Variants in KMT2A observed in about 807,000 individuals in gnomAD.
KMT2A encodes lysine methyltransferase 2A, also known as histone-lysine N-methyltransferase 2A.
A neutral mutation model predicts 345.3 loss-of-function variants in KMT2A; 16 were observed. The ratio of observed to expected loss-of-function variants is 0.05; its 90% CI spans 0.03 to 0.07. The LOEUF is 0.07. Among genes scored for constraint, KMT2A ranks in the 10% least tolerant of loss-of-function variants. The pLI is 1.00. For synonymous variants in KMT2A, 1,599 were observed against 1,778.6 expected (o/e 0.90, Z 2.54); for missense variants, 3,272 against 4,841.6 (o/e 0.68, Z 9.62).
intron 10 of KMT2A, among the ~76,000 whole-genome samples, chr11:118,487,856 T>C (rs1950256291): frequency 6.6e-6 from 1 of 152,244 alleles, no homozygotes; most frequent in Non-Finnish European, 1.5e-5. Flanking sequence ...TTGAAAATCC[T>C]ATATCAATAT....
chr11:118,519,554 G>C, intron 31 of KMT2A, 64 bp from the exon 32 acceptor site: 1 of 1,460,836 alleles, frequency 6.8e-7, no homozygotes, highest in South Asian at 1.2e-5. Context: ...AGGCATTTCT[G>C]TAGGACCATG....
At chr11:118,438,641 C>A (rs922389810) in intron 1 of KMT2A, among the ~76,000 whole-genome samples, 1 of 152,136 alleles carries the variant, frequency 6.6e-6, no homozygotes, top group African/African-American at 2.4e-5. Context: ...TATTGTGCCC[C>A]GCACCCCTTT....
chr11:118,482,082 A>G lies in KMT2A; in HGVS notation c.4002A>G (p.Pro1334=). 3 of 1,606,676 alleles carry G rather than the reference A, an allele frequency of 1.9e-6. No homozygotes were observed. The Admixed American group carries it at 5.2e-5, about 28-fold the overall frequency. The stretch of plus-strand genomic sequence containing the variant: ...AGCCCAAGAAAAAGCAGCCTCCACC[A>G]CCAGAATCAGGTGAGTGAGGAGGGC... ...PSEPKKKQPP[P]PESGPEQSKQ... The change falls in exon 7 of 36, where the codon CCA becomes CCG. Residue 1334 remains proline (P), a synonymous_variant. Coordinates refer to ENST00000534358, the MANE Select transcript of KMT2A (RefSeq NM_001197104.2).
chr11:118,472,637 C>T lies in KMT2A; in HGVS notation c.1478C>T (p.Ser493Phe). 1 of 1,612,734 alleles carries T rather than the reference C, an allele frequency of 6.2e-7. No individual in the cohort carries two copies. Among genetic ancestry groups the T allele is most frequent in the Non-Finnish European group, 8.5e-7 (1 of 1,179,830 alleles). The change falls in exon 3 of 36, where the codon TCT (serine) becomes TTT (phenylalanine). Residue 493 changes from serine to phenylalanine, a missense_variant. Coordinates refer to ENST00000534358, the MANE Select transcript of KMT2A (RefSeq NM_001197104.2). ...GATACCTCCACAGACTCTCAGGCTT[C>T]TGAGGAGATTCAGGTACTTCCTGAG... ...SVDTSTDSQA[S>F]EEIQVLPEER...
chr11:118,520,559 G>T lies in KMT2A; in HGVS notation c.11430-243G>T. 1 of 501,030 alleles carries T rather than the reference G, an allele frequency of 2.0e-6. No individual in the cohort carries two copies. The highest frequency in any genetic ancestry group is 3.6e-6 in the Non-Finnish European group (1 of 277,112). The allele number at this position is 501,030 out of a possible 1,614,324, so 31.0% of individuals were successfully genotyped here. A position where few individuals can be genotyped will look rare whatever the true frequency, so the allele number is the denominator to read the frequency against. ...CCACCTACTCAGCAGGCTGAGGCAA[G>T]AGAATCGCTTGAACCCAGGAGGCGG... On this transcript the variant is annotated intron_variant, in intron 33 of 35. Coordinates refer to ENST00000534358, the MANE Select transcript of KMT2A (RefSeq NM_001197104.2). The surrounding 1 kb of genome is among the most constrained non-coding windows in gnomAD (Gnocchi z 4.3).
At position 118,511,930 on chromosome 11, in the gene KMT2A, G is replaced by T. The variant is rs376463533; in HGVS notation, c.11072-21G>T. 10 of 1,610,706 alleles carry T rather than the reference G, an allele frequency of 6.2e-6. No homozygotes were observed. In the East Asian group the frequency reaches 6.7e-5, roughly 11 times the overall value. ...TACGTGCATATTTTCTGGCTTACGG[G>T]TTTTCTTTATTTCCTTTCAGATGCC... On this transcript the variant is annotated intron_variant, in intron 30 of 35. Coordinates refer to ENST00000534358, the MANE Select transcript of KMT2A (RefSeq NM_001197104.2).
chr11:118,480,292 AGTTG>A, intron 6 of KMT2A, 54 bp downstream of exon 6: 25 of 1,306,592 alleles, frequency 1.9e-5, no homozygotes, highest in Non-Finnish European at 2.4e-5. Flanking sequence ...AATGGTGTAT[AGTTG>A]TATACACCCA....
rs781985434 is a variant in KMT2A at position 118,473,930 on chromosome 11, C to T, written c.2771C>T (p.Ser924Leu). Residue 924 changes from serine (S) to leucine (L), a missense_variant, in exon 3 of 36, where the codon TCA (serine) becomes TTA (leucine). Ser to Leu is a moderately radical substitution (Grantham distance 145). This residue lies in a region of KMT2A where 209 missense variants were observed against 237.4 expected (regional missense o/e 0.88). Coordinates refer to ENST00000534358, the MANE Select transcript of KMT2A (RefSeq NM_001197104.2). This position sits in a 1 kb window ranked among gnomAD's most constrained non-coding sequence, Gnocchi z 5.2. ...GTTGTTGGTGAAGATGTTGCCACTT[C>T]ATCTTCTGCCAAAAAAGCAACAGGG... Reference protein sequence around the residue: ...EKVVGEDVATSSSAKKATGRK... With the variant: ...EKVVGEDVATLSSAKKATGRK... The T allele has an allele frequency of 5.6e-6, 9 of 1,613,976 alleles. No individual in the cohort carries two copies. The highest frequency in any genetic ancestry group is 3.3e-5 in the South Asian group (3 of 91,084).
In KMT2A at chr11:118,521,466, A is replaced by G. The variant is rs782510721; in HGVS notation, c.11643+49A>G. The G allele has an allele frequency of 1.9e-6, 3 of 1,605,636 alleles. No homozygotes were observed. Among genetic ancestry groups the G allele is most frequent in the Non-Finnish European group, 2.6e-6 (3 of 1,172,938 alleles). On this transcript the variant is annotated intron_variant, in intron 35 of 35. Transcript: ENST00000534358. This position sits in a 1 kb window ranked among gnomAD's most constrained non-coding sequence, Gnocchi z 5.3. ...ACAGTTCTTTTGTTTTGCTGTAGAAAGGGACCAGTATGACCCCTGGATCAC... is the reference window on the plus strand; with the variant it reads ...ACAGTTCTTTTGTTTTGCTGTAGAAGGGGACCAGTATGACCCCTGGATCAC...
chr11:118,440,292 T>C (rs1384862954), intron 1 of KMT2A, among the ~76,000 whole-genome samples: 3 of 152,202 alleles, frequency 2.0e-5, no homozygotes, highest in Non-Finnish European at 4.4e-5. Context: ...GTATGACAAT[T>C]AGGAAGTAGA....
Position 118,490,275 on chromosome 11 carries a change from G to C in KMT2A, c.4696+26G>C, listed in dbSNP as rs782544004. The C allele has an allele frequency of 2.6e-6, 4 of 1,527,048 alleles. No homozygotes were observed. The highest frequency in any genetic ancestry group is 2.8e-5 in the African/African-American group (2 of 71,094). The allele number at this position is 1,527,048 out of a possible 1,614,324, so 94.6% of individuals were successfully genotyped here. ...GTACCCAAAAAAGCCAGTTTTGCCAGCTTTCGGAGGTTGTACTTGGTGTTC... is the reference window on the plus strand; with the variant it reads ...GTACCCAAAAAAGCCAGTTTTGCCACCTTTCGGAGGTTGTACTTGGTGTTC... On this transcript the variant is annotated intron_variant, in intron 13 of 35. Transcript: ENST00000534358. This position sits in a 1 kb window ranked among gnomAD's most constrained non-coding sequence, Gnocchi z 4.2.
intron 1 of KMT2A, among the ~76,000 whole-genome samples, chr11:118,457,666 C>G (rs1257142550): frequency 6.6e-6 from 1 of 151,760 alleles, no homozygotes; most frequent in Non-Finnish European, 1.5e-5. Context: ...ATGCCACATT[C>G]TTTTGTGTCT....
At chr11:118,446,711 A>G (rs1303179695) in intron 1 of KMT2A, among the ~76,000 whole-genome samples, 1 of 152,168 alleles carries the variant, frequency 6.6e-6, no homozygotes, top group African/African-American at 2.4e-5. Flanking sequence ...TAATCTTCTC[A>G]TTGGTCTTCC....
chr11:118,468,007 C>CTT (rs543999430), intron 1 of KMT2A, among the ~76,000 whole-genome samples: 1 of 145,306 alleles, frequency 6.9e-6, no homozygotes, highest in Non-Finnish European at 1.5e-5. Context: ...TAAACAAATC[C>CTT]TTTTTTTTTT....
rs1950039154 is a variant in KMT2A at position 118,476,428 on chromosome 11, T to C, written c.3157-377T>C. Among the ~76,000 whole-genome samples, 1 of 152,068 alleles carries C rather than the reference T, an allele frequency of 6.6e-6. No homozygotes were observed. The highest frequency in any genetic ancestry group is 2.4e-5 in the African/African-American group (1 of 41,398). On this transcript the variant is annotated intron_variant, in intron 3 of 35. Coordinates refer to ENST00000534358, the MANE Select transcript of KMT2A (RefSeq NM_001197104.2). This position sits in a 1 kb window ranked among gnomAD's most constrained non-coding sequence, Gnocchi z 4.1. ...GTCTCACTCTGTCACCCAGGGTGGCTCAAGTGATCCTCTTGTCCCAGCCTC... is the reference window on the plus strand; with the variant it reads ...GTCTCACTCTGTCACCCAGGGTGGCCCAAGTGATCCTCTTGTCCCAGCCTC...
Position 118,472,510 on chromosome 11 carries a change from T to C in KMT2A, c.1351T>C (p.Phe451Leu), listed in dbSNP as rs782197542. 2 of 1,613,216 alleles carry C rather than the reference T, an allele frequency of 1.2e-6. No individual in the cohort carries two copies. The highest frequency in any genetic ancestry group is 1.7e-6 in the Non-Finnish European group (2 of 1,179,902). Residue 451 changes from phenylalanine (F) to leucine (L), a missense_variant, in exon 3 of 36, where the codon TTC becomes CTC. Physicochemically the swap from Phe to Leu is conservative, Grantham distance 22. Around this residue, in one of 27 missense-constraint regions of KMT2A, gnomAD observed 180 missense variants for 190.7 expected, o/e 0.94. Transcript: ENST00000534358. Reference protein sequence around the residue: ...ARLESTPNSRFSAPSCGSSEK... With the variant: ...ARLESTPNSRLSAPSCGSSEK... Reference sequence around the variant, plus strand: ...ATTAGAGTCTACACCGAATAGTAGATTCAGTGCCCCGTCCTGTGGATCTTC... The same window carrying C: ...ATTAGAGTCTACACCGAATAGTAGACTCAGTGCCCCGTCCTGTGGATCTTC...
intron 1 of KMT2A, among the ~76,000 whole-genome samples, chr11:118,458,940 C>G (rs1284316491): frequency 1.3e-5 from 2 of 152,124 alleles, no homozygotes; most frequent in Non-Finnish European, 2.9e-5. Flanking sequence ...GTACTAGAAG[C>G]CTTCAAAACA....
intron 1 of KMT2A, among the ~76,000 whole-genome samples, chr11:118,441,431 T>C (rs1949311956): frequency 6.6e-6 from 1 of 152,140 alleles, no homozygotes; most frequent in Non-Finnish European, 1.5e-5. Context: ...GGATAAAGTT[T>C]TTACACATAG....
chr11:118,490,108 ATTTCT>A lies in KMT2A; in HGVS notation c.4576-14_4576-10del. On this transcript the variant is annotated splice_polypyrimidine_tract_variant and intron_variant, in intron 12 of 35. Transcript: ENST00000534358. The surrounding 1 kb of genome is among the most constrained non-coding windows in gnomAD (Gnocchi z 4.2). ...ATTAAAAACAAGAAATTCCTATTGA[ATTTCT>A]TTTCTTCTTTTCTAGATCTGTACCA... 4 of 1,596,532 alleles carry A rather than the reference ATTTCT, an allele frequency of 2.5e-6. No individual in the cohort carries two copies. The highest frequency in any genetic ancestry group is 2.6e-6 in the Non-Finnish European group (3 of 1,175,412).
Sources: gnomAD v4.1 joint callset for allele counts (sites outside exome capture counted in the v4.1 genomes callset) on GRCh38, gnomAD v4.1.1 for gene constraint, gnomAD v4.1.1 regional missense constraint, Gnocchi (gnomAD v3.1) non-coding constraint, MANE v1.5 for transcripts, NCBI Gene and HGNC (gene_info 2026-07-23, HGNC 2026-07-21) for gene names.